SDK1: variants seen among roughly 807,000 people sequenced by gnomAD.
SDK1 encodes the protein protein sidekick-1.
Under a neutral mutation model 245.5 loss-of-function variants are expected in SDK1, and 157 were observed. The ratio of observed to expected loss-of-function variants is 0.64; its 90% CI spans 0.56 to 0.73. The LOEUF is 0.73. SDK1 is among the 30% of genes least tolerant of loss of function. The pLI, the probability that SDK1 is intolerant of heterozygous loss-of-function variation, is 0.00. For synonymous variants in SDK1, 1,647 were observed against 1,278.5 expected (o/e 1.29, Z -6.15); for missense variants, 3,583 against 3,002.3 (o/e 1.19, Z -4.52).
chr7:3,939,884 C>A (rs750986227), intron 5 of SDK1, among the ~76,000 whole-genome samples: 1 of 152,132 alleles, frequency 6.6e-6, no homozygotes, highest in African/African-American at 2.4e-5. Flanking sequence ...TCACGTAGTC[C>A]CAAAGGCAAT....
chr7:3,807,760 C>T (rs182750427), intron 4 of SDK1, among the ~76,000 whole-genome samples: 45 of 152,262 alleles, frequency 3.0e-4, no homozygotes, highest in African/African-American at 1.0e-3. Context: ...TGGGCACAGG[C>T]TGGGAGGCTG....
At chr7:3,957,986 C>A (rs899936364) in intron 7 of SDK1, 3 of 470,760 alleles carry the variant, frequency 6.4e-6, no homozygotes, top group South Asian at 4.6e-5. Flanking sequence ...GCCGCTTCCC[C>A]CTTAATCGTT....
At chr7:3,615,859 C>G (rs1375270464) in intron 1 of SDK1, among the ~76,000 whole-genome samples, 1 of 143,110 alleles carries the variant, frequency 7.0e-6, no homozygotes. Context: ...CACACAACCT[C>G]TTCAAAGGCT....
chr7:3,974,937 C>T (rs7787208), intron 13 of SDK1, among the ~76,000 whole-genome samples: 5,383 of 152,200 alleles, frequency 0.035, 325 homozygotes, highest in African/African-American at 0.12. Context: ...ACTGCTGAGG[C>T]GAGGTCGTTC....
chr7:3,764,337 A>G (rs995908806), intron 4 of SDK1, among the ~76,000 whole-genome samples: 2 of 152,142 alleles, frequency 1.3e-5, no homozygotes, highest in Admixed American at 1.3e-4. Context: ...CTTTTTTACA[A>G]CAAATATTTA....
chr7:3,733,369 C>A (rs1779232417), intron 4 of SDK1, among the ~76,000 whole-genome samples: 1 of 152,162 alleles, frequency 6.6e-6, no homozygotes, highest in South Asian at 2.1e-4. Context: ...GCGTCTCATT[C>A]ATTAGAGACT....
At chr7:3,360,207 C>T (rs1292905002) in intron 1 of SDK1, among the ~76,000 whole-genome samples, 1 of 152,168 alleles carries the variant, frequency 6.6e-6, no homozygotes, top group Non-Finnish European at 1.5e-5. Context: ...GGTCAGGAGT[C>T]ACACTAGTCA....
chr7:4,188,868 C>A (rs965610254), intron 35 of SDK1, among the ~76,000 whole-genome samples: 1 of 152,150 alleles, frequency 6.6e-6, no homozygotes, highest in Non-Finnish European at 1.5e-5. Flanking sequence ...TACACACAGT[C>A]AAGTCTGTCT....
chr7:3,498,878 C>T (rs970865666), intron 1 of SDK1, among the ~76,000 whole-genome samples: 2 of 152,230 alleles, frequency 1.3e-5, no homozygotes, highest in Admixed American at 1.3e-4. Context: ...CATTTCTTAT[C>T]CTGCTACATG....
At chr7:4,057,481 A>G (rs1779275010) in intron 19 of SDK1, among the ~76,000 whole-genome samples, 1 of 152,132 alleles carries the variant, frequency 6.6e-6, no homozygotes, top group Non-Finnish European at 1.5e-5. Context: ...GCAGACTGCT[A>G]AGGAGCCAGG....
intron 1 of SDK1, among the ~76,000 whole-genome samples, chr7:3,336,605 TC>T (rs770425380): frequency 5.2e-4 from 78 of 150,748 alleles, no homozygotes; most frequent in Non-Finnish European, 9.9e-4. Flanking sequence ...ACTCCCCACC[TC>T]CCCGCCCCTC....
At chr7:3,401,312 A>C (rs1194583113) in intron 1 of SDK1, among the ~76,000 whole-genome samples, 1 of 152,204 alleles carries the variant, frequency 6.6e-6, no homozygotes, top group Non-Finnish European at 1.5e-5. Context: ...CAGAATGGAA[A>C]GGTAACTGAT....
intron 12 of SDK1, among the ~76,000 whole-genome samples, chr7:3,973,063 G>T (rs1782615574): frequency 6.6e-6 from 1 of 152,178 alleles, no homozygotes; most frequent in South Asian, 2.1e-4. Flanking sequence ...TGGTTTCGTA[G>T]TAGCTTGTTA....
intron 34 of SDK1, among the ~76,000 whole-genome samples, chr7:4,177,078 T>C (rs1782260779): frequency 6.6e-6 from 1 of 152,214 alleles, no homozygotes; most frequent in Non-Finnish European, 1.5e-5. Context: ...TCAGGCATTC[T>C]GTAGGGGTGG....
chr7:4,127,586 T>C (rs1043035163), intron 26 of SDK1, 90 bp downstream of exon 26: 3 of 914,362 alleles, frequency 3.3e-6, no homozygotes, highest in Admixed American at 1.8e-5. Flanking sequence ...ACGAGCTTCC[T>C]CTTCTCCTAC....
intron 1 of SDK1, among the ~76,000 whole-genome samples, chr7:3,567,585 C>A (rs1213074830): frequency 6.6e-6 from 1 of 152,146 alleles, no homozygotes; most frequent in East Asian, 1.9e-4. Flanking sequence ...GATGAAGCTG[C>A]AGTTGGAGTT....
rs560901220 is a variant in SDK1 at position 3,973,538 on chromosome 7, G to C, written c.1818-831G>C. Among the ~76,000 whole-genome samples the C allele has an allele frequency of 7.9e-5, 12 of 152,226 alleles. No individual in the cohort carries two copies. In the South Asian group the frequency reaches 2.5e-3, roughly 32 times the overall value. On this transcript the variant is annotated intron_variant, in intron 12 of 44. Transcript: ENST00000404826. ...AATTTTAAGGACCATCTGCCAGAAT[G>C]GTCACATTTTAAGAAAGTGTGTTTT...
chr7:3,767,896 G>C (rs532709398), intron 4 of SDK1, among the ~76,000 whole-genome samples: 34 of 152,352 alleles, frequency 2.2e-4, no homozygotes, highest in Middle Eastern at 3.4e-3. Flanking sequence ...AAAGCAAGGA[G>C]AGATGATTAT....
chr7:3,747,102 G>A (rs1472041401), intron 4 of SDK1, among the ~76,000 whole-genome samples: 1 of 152,094 alleles, frequency 6.6e-6, no homozygotes, highest in Non-Finnish European at 1.5e-5. Flanking sequence ...AGAACTCTTG[G>A]GTAACCAGGT....
Sources: gnomAD v4.1 joint callset for allele counts (sites outside exome capture counted in the v4.1 genomes callset) on GRCh38, gnomAD v4.1.1 for gene constraint, MANE v1.5 for transcripts, NCBI Gene and HGNC (gene_info 2026-07-23, HGNC 2026-07-21) for gene names.